Variants in SLC5A12 observed in about 807,000 individuals in gnomAD.
SLC5A12 encodes the protein solute carrier family 5 member 12.
SLC5A12 carries 46 observed loss-of-function variants against 72.7 expected under a neutral mutation model. The ratio of observed to expected loss-of-function variants is 0.63; its 90% confidence interval spans 0.50 to 0.81. The LOEUF (loss-of-function observed/expected upper bound fraction) is 0.81. Among genes scored for constraint, SLC5A12 ranks in the 30% least tolerant of loss-of-function variants. The pLI is 0.00. For synonymous variants in SLC5A12, 275 were observed against 264.4 expected, an observed-to-expected ratio of 1.04 and a Z score of -0.39; for missense variants, 683 against 740.7, an observed-to-expected ratio of 0.92 and a Z score of 0.90.
At position 26,670,313 on chromosome 11, in the gene SLC5A12, C is replaced by T. The variant is rs1854109362; in HGVS notation, c.*789G>A. ...GGACATTCCTTTTCTCTTTCCTTAG[C>T]CCTGGAAAAAGGCTCTAGACTTCTT... On this transcript the variant is annotated 3_prime_UTR_variant, in exon 15 of 15. Transcript: ENST00000396005. The T allele has an allele frequency of 6.6e-6, 1 of 152,036 alleles. No homozygotes were observed. Among genetic ancestry groups the T allele is most frequent in the Admixed American group, 6.6e-5 (1 of 15,220 alleles). The allele number at this position is 152,036 out of a possible 1,614,324, so 9.4% of individuals were successfully genotyped here.
chr11:26,689,224 C>T (rs1476690867), intron 9 of SLC5A12, among the ~76,000 whole-genome samples: 1 of 151,940 alleles, frequency 6.6e-6, no homozygotes, highest in East Asian at 1.9e-4. Flanking sequence ...GGTGAAACCC[C>T]GTTTCTACTA....
In SLC5A12 at chr11:26,703,656, A is replaced by G; in HGVS notation, c.696T>C (p.Pro232=). The part of the protein sequence containing the change: ...RLHIFDFDVD[P]LRRHTFWTIT... ...TAGTCCAAAAAGTGTGTCGCCTGAGAGGATCTACATCAAAGCTATGAGACA... is the reference window on the plus strand; with the variant it reads ...TAGTCCAAAAAGTGTGTCGCCTGAGGGGATCTACATCAAAGCTATGAGACA... The change falls in exon 6 of 15, where the codon CCT becomes CCC. Residue 232 remains proline, a synonymous_variant. Coordinates refer to ENST00000396005, the MANE Select transcript of SLC5A12 (RefSeq NM_178498.4). 6.2e-7 allele frequency: 1 copy of G among 1,613,880 alleles called. No homozygotes were observed. Among genetic ancestry groups the G allele is most frequent in the Non-Finnish European group, 8.5e-7 (1 of 1,179,872 alleles).
chr11:26,669,209 T>TTCTTTCTTTCTTTCTTTCTTTCTC lies in SLC5A12; in HGVS notation c.*1892_*1893insGAGAAAGAAAGAAAGAAAGAAAGA, dbSNP rs1565179581. 17 of 139,692 alleles carry TTCTTTCTTTCTTTCTTTCTTTCTC rather than the reference T, an allele frequency of 1.2e-4. No individual in the cohort carries two copies. In the South Asian group the frequency reaches 3.4e-3, roughly 28 times the overall value. The allele number at this position is 139,692 out of a possible 1,614,324, so 8.7% of individuals were successfully genotyped here. On this transcript the variant is annotated 3_prime_UTR_variant, in exon 15 of 15. Transcript: ENST00000396005. ...TTCTTTTCTTTCTTTCTTTCTTTCT[T>TTCTTTCTTTCTTTCTTTCTTTCTC]TCTTTCTTTCTCTCTCTCCCTCCCT...
At position 26,669,388 on chromosome 11, in the gene SLC5A12, A is replaced by G. The variant is rs1854087750; in HGVS notation, c.*1714T>C. ...TCTCAATTTGCAAATCCTTAGATCA[A>G]CAGCTTAATTAGCGTTGCCAGACTT... On this transcript the variant is annotated 3_prime_UTR_variant, in exon 15 of 15. Coordinates refer to ENST00000396005, the MANE Select transcript of SLC5A12 (RefSeq NM_178498.4). The G allele has an allele frequency of 1.3e-5, 2 of 151,860 alleles. No homozygotes were observed. Among genetic ancestry groups the G allele is most frequent in the Admixed American group, 1.3e-4 (2 of 15,170 alleles). 9.4% of individuals were successfully genotyped at this position (151,860 alleles called of 1,614,324 possible).
intron 8 of SLC5A12, among the ~76,000 whole-genome samples, chr11:26,696,652 C>T (rs1036789537): frequency 2.0e-5 from 3 of 152,026 alleles, no homozygotes; most frequent in South Asian, 2.1e-4. Context: ...AATCACAAAG[C>T]GTTTGTATAC....
intron 6 of SLC5A12, among the ~76,000 whole-genome samples, chr11:26,702,665 C>G (rs12277327): frequency 0.029 from 4,429 of 152,116 alleles, 202 homozygotes; most frequent in African/African-American, 0.1. Context: ...CTGCTTGTAT[C>G]CTTCAGAACA....
chr11:26,694,775 T>C (rs1393555824), intron 8 of SLC5A12, among the ~76,000 whole-genome samples: 2 of 152,168 alleles, frequency 1.3e-5, no homozygotes, highest in Non-Finnish European at 2.9e-5. Flanking sequence ...AATATACCAC[T>C]CAGATAAACA....
At chr11:26,698,568 T>G in intron 6 of SLC5A12, 33 bp from the exon 7 acceptor site, 1 of 1,610,818 alleles carries the variant, frequency 6.2e-7, no homozygotes, top group Non-Finnish European at 8.5e-7. Flanking sequence ...ATTGGTAGCC[T>G]GTATACCATA....
At chr11:26,688,504 C>G (rs1376087824) in intron 9 of SLC5A12, among the ~76,000 whole-genome samples, 1 of 152,028 alleles carries the variant, frequency 6.6e-6, no homozygotes, top group African/African-American at 2.4e-5. Flanking sequence ...TGTTCAAACA[C>G]AAATAAACGA....
At chr11:26,697,110 T>G (rs1011721214) in intron 8 of SLC5A12, 54 bp downstream of exon 8, 16 of 1,453,884 alleles carry the variant, frequency 1.1e-5, no homozygotes, top group Non-Finnish European at 5.8e-6. Context: ...CACTACACCA[T>G]CATCCTTGTT....
chr11:26,678,290 T>A (rs1175639100), intron 13 of SLC5A12, among the ~76,000 whole-genome samples: 1 of 152,202 alleles, frequency 6.6e-6, no homozygotes, highest in Non-Finnish European at 1.5e-5. Context: ...GGGTTTTTCA[T>A]ACTCAGGCCT....
intron 10 of SLC5A12, 136 bp downstream of exon 10, chr11:26,686,341 T>C (rs1289544078): frequency 1.5e-6 from 1 of 683,054 alleles, no homozygotes; most frequent in Non-Finnish European, 2.5e-6. Flanking sequence ...TTTACATGCA[T>C]TTTACATTTA....
chr11:26,698,560 T>C (rs767420188), intron 6 of SLC5A12, 25 bp from the exon 7 acceptor site: 1 of 1,613,068 alleles, frequency 6.2e-7, no homozygotes, highest in East Asian at 2.2e-5. Flanking sequence ...ATGGGCCTAT[T>C]GGTAGCCTGT....
chr11:26,676,666 G>A (rs922136723), intron 13 of SLC5A12, among the ~76,000 whole-genome samples: 2 of 152,010 alleles, frequency 1.3e-5, no homozygotes, highest in Admixed American at 6.6e-5. Context: ...TATCTAAAAT[G>A]GAAAAATTAA....
At chr11:26,704,122 G>C (rs1855029932) in intron 4 of SLC5A12, among the ~76,000 whole-genome samples, 175 bp from the exon 5 acceptor site, 1 of 152,156 alleles carries the variant, frequency 6.6e-6, no homozygotes, top group Admixed American at 6.6e-5. Flanking sequence ...GAAAGTGAAA[G>C]AGACATACCC....
At chr11:26,700,827 A>C (rs1392911872) in intron 6 of SLC5A12, among the ~76,000 whole-genome samples, 1 of 152,226 alleles carries the variant, frequency 6.6e-6, no homozygotes, top group Non-Finnish European at 1.5e-5. Context: ...GTGACTAATC[A>C]CATTTCTGGT....
chr11:26,701,548 GA>G (rs1854958091), intron 6 of SLC5A12, among the ~76,000 whole-genome samples: 2 of 152,002 alleles, frequency 1.3e-5, no homozygotes, highest in Admixed American at 1.3e-4. Context: ...CATTTTTCTT[GA>G]ATTAAACTAC....
intron 9 of SLC5A12, among the ~76,000 whole-genome samples, chr11:26,687,579 C>A (rs573652537): frequency 1.4e-4 from 22 of 152,188 alleles, no homozygotes; most frequent in Non-Finnish European, 2.4e-4. Flanking sequence ...GCAAATTAAT[C>A]CAACAAGTAT....
chr11:26,693,173 T>C (rs1184198878), intron 8 of SLC5A12, among the ~76,000 whole-genome samples: 1 of 152,208 alleles, frequency 6.6e-6, no homozygotes, highest in Non-Finnish European at 1.5e-5. Flanking sequence ...TGTAAGAACA[T>C]ACAGAGACCT....
Sources: allele counts gnomAD v4.1 joint callset (sites outside exome capture counted in the v4.1 genomes callset), GRCh38; gene constraint gnomAD v4.1.1; transcripts MANE v1.5; gene names NCBI Gene and HGNC (gene_info 2026-07-23, HGNC 2026-07-21).